CDK11B: variants seen among roughly 807,000 people sequenced by gnomAD.
CDK11B encodes the protein cyclin dependent kinase 11B.
CDK11B carries 37 observed loss-of-function variants against 84.0 expected under a neutral mutation model. The observed-to-expected ratio is 0.44, with a 90% CI of 0.34 to 0.58. The LOEUF is 0.58. Among genes scored for constraint, CDK11B ranks in the 20% least tolerant of loss-of-function variants. The probability of loss-of-function intolerance (pLI) is 0.02; values close to 1 mark genes in which losing one functional copy is unlikely to be tolerated. For missense variants in CDK11B, 427 were observed against 834.0 expected (o/e 0.51, Z 6.01); for synonymous variants, 269 against 309.8 (o/e 0.87, Z 1.38).
At chr1:1,651,260 A>G (rs1641965168) in intron 4 of CDK11B, among the ~76,000 whole-genome samples, 1 of 152,220 alleles carries the variant, frequency 6.6e-6, no homozygotes, top group African/African-American at 2.4e-5. Context: ...AATGTAAACA[A>G]ACTGCTTCCA....
intron 14 of CDK11B, 57 bp downstream of exon 14, chr1:1,637,351 G>T: frequency 6.3e-7 from 1 of 1,590,086 alleles, no homozygotes; most frequent in South Asian, 1.1e-5. Flanking sequence ...CACCGCGGGG[G>T]TGACCAGGAC....
intron 15 of CDK11B, 37 bp downstream of exon 15, chr1:1,637,044 G>A (rs1345574938): frequency 6.2e-7 from 1 of 1,613,288 alleles, no homozygotes. Context: ...GGCCCCGGCA[G>A]GTCTCCCTGG....
chr1:1,650,157 C>G (rs1475823474), intron 4 of CDK11B, among the ~76,000 whole-genome samples: 2 of 148,440 alleles, frequency 1.3e-5, no homozygotes, highest in African/African-American at 5.0e-5. Context: ...GTAGTCCCAG[C>G]TACTCGGGAG....
Position 1,641,105 on chromosome 1 carries a change from TTAC to T in CDK11B, c.1015_1017del (p.Val339del), listed in dbSNP as rs1640221907. The T allele has an allele frequency of 6.3e-7, 1 of 1,590,290 alleles. No homozygotes were observed. Among genetic ancestry groups the T allele is most frequent in the African/African-American group, 1.4e-5 (1 of 73,730 alleles). ...TCATCTTCACTCATTTCTTCCTCAC[TTAC>T]TTCTTCTGCAAGAGAAAGGAGGCGT... On this transcript the variant is annotated inframe_deletion, in exon 10 of 20. Coordinates refer to ENST00000341832, the MANE Select transcript of CDK11B (RefSeq NM_033486.3).
chr1:1,650,654 C>A (rs1295365414), intron 4 of CDK11B, among the ~76,000 whole-genome samples: 1 of 142,356 alleles, frequency 7.0e-6, no homozygotes, highest in Non-Finnish European at 1.5e-5. Flanking sequence ...TGTGAGCCAC[C>A]GCGCCCGGCC....
chr1:1,656,009 C>T (rs1642702103), intron 2 of CDK11B, among the ~76,000 whole-genome samples: 1 of 152,212 alleles, frequency 6.6e-6, no homozygotes, highest in Non-Finnish European at 1.5e-5. Flanking sequence ...GGACATTAGA[C>T]TCTATGCCAA....
intron 11 of CDK11B, among the ~76,000 whole-genome samples, chr1:1,639,559 G>A (rs898439304): frequency 6.6e-6 from 1 of 151,934 alleles, no homozygotes; most frequent in Non-Finnish European, 1.5e-5. Flanking sequence ...GTGTACCTTG[G>A]GGCCGGTGCC....
intron 4 of CDK11B, among the ~76,000 whole-genome samples, chr1:1,650,074 T>C (rs1469168080): frequency 3.3e-5 from 5 of 150,126 alleles, no homozygotes; most frequent in African/African-American, 9.8e-5. Flanking sequence ...ATCGGGACCA[T>C]CCTGGCTAAC....
Position 1,636,728 on chromosome 1 carries a change from A to T in CDK11B, c.1871T>A (p.Leu624Gln). ...ATCGATTTCTGACTTCCCGGGGAAC[A>T]GAGGCTTCTGAGTCAGCAGCTCCCC... is the stretch of plus-strand genomic sequence containing the variant. Reference protein sequence around the residue: ...IFGELLTQKPLFPGKSEIDQI... With the variant: ...IFGELLTQKPQFPGKSEIDQI... The change falls in exon 17 of 20, where the codon CTG (leucine) becomes CAG (glutamine). Residue 624 changes from leucine to glutamine, a missense_variant. Physicochemically the swap from Leu to Gln is moderately radical, Grantham distance 113. Around this residue, in one of 12 missense-constraint regions of CDK11B, gnomAD observed 170 missense variants for 196.0 expected, o/e 0.87. Transcript: ENST00000341832. The T allele has an allele frequency of 6.2e-7, 1 of 1,613,984 alleles. No homozygotes were observed. Among genetic ancestry groups the T allele is most frequent in the Non-Finnish European group, 8.5e-7 (1 of 1,179,874 alleles).
At chr1:1,637,584 G>C in intron 13 of CDK11B, 71 bp from the exon 14 acceptor site, 8 of 1,608,808 alleles carry the variant, frequency 5.0e-6, no homozygotes, top group South Asian at 4.4e-5. Flanking sequence ...GGGTGCAGCT[G>C]CTGAGGGACA....
At chr1:1,639,025 C>A (rs1204041057) in intron 11 of CDK11B, among the ~76,000 whole-genome samples, 2 of 150,274 alleles carry the variant, frequency 1.3e-5, no homozygotes, top group African/African-American at 4.9e-5. Flanking sequence ...ACTGCAACCT[C>A]CACCTCCTGG....
intron 5 of CDK11B, among the ~76,000 whole-genome samples, chr1:1,649,065 C>T (rs1027929662): frequency 1.1e-4 from 17 of 152,160 alleles, no homozygotes; most frequent in Non-Finnish European, 2.4e-4. Flanking sequence ...GTTCACTGTG[C>T]TGTTTCCATG....
intron 4 of CDK11B, among the ~76,000 whole-genome samples, chr1:1,650,268 C>CAAAAAAGAAAAAAAA (rs1641790813): frequency 2.2e-5 from 1 of 45,814 alleles, no homozygotes; most frequent in African/African-American, 8.9e-5. Flanking sequence ...GACTCCGTCC[C>CAAAAAAGAAAAAAAA]AAAAAAAAAA....
chr1:1,655,642 G>T (rs570949273), intron 2 of CDK11B, among the ~76,000 whole-genome samples, 158 bp from the exon 3 acceptor site: 1 of 152,082 alleles, frequency 6.6e-6, no homozygotes, highest in Non-Finnish European at 1.5e-5. Flanking sequence ...AAGAACTTTT[G>T]GCCGGGTGTG....
chr1:1,639,294 G>A (rs1027797635), intron 11 of CDK11B, among the ~76,000 whole-genome samples: 2 of 151,834 alleles, frequency 1.3e-5, no homozygotes, highest in East Asian at 1.9e-4. Context: ...GCTTGCGCCT[G>A]TAGTTCCAGC....
chr1:1,652,407 C>G (rs1266580049), intron 4 of CDK11B, 32 bp downstream of exon 4: 1 of 1,477,988 alleles, frequency 6.8e-7, no homozygotes, highest in East Asian at 2.7e-5. Context: ...CACACTTGAA[C>G]ATGATGTCAA....
chr1:1,643,635 A>G (rs2100793820), intron 6 of CDK11B, among the ~76,000 whole-genome samples: 1 of 146,014 alleles, frequency 6.8e-6, no homozygotes, highest in Admixed American at 6.7e-5. Flanking sequence ...CGACGGAAAT[A>G]TCAACAGAGA....
rs1314221225 is a variant in CDK11B, at chr1:1,636,455, G to C, written c.1944C>G (p.Ile648Met). 6.2e-7 allele frequency: 1 copy of C among 1,612,910 alleles called. No individual in the cohort carries two copies. Among genetic ancestry groups the C allele is most frequent in the Non-Finnish European group, 8.5e-7 (1 of 1,179,362 alleles). The change falls in exon 18 of 20, where the codon ATC becomes ATG. Residue 648 changes from isoleucine to methionine, a missense_variant. Transcript: ENST00000341832. ...CTGGGAGCTCGCTGTAGCCGGGCCA[G>C]ATTTTCTCACTAGGGGTCCCCAGAT... ...FKDLGTPSEK[I>M]WPGYSELPAV...
intron 2 of CDK11B, 149 bp downstream of exon 2, chr1:1,657,225 TG>T (rs1367933762): frequency 6.2e-7 from 1 of 1,613,900 alleles, no homozygotes; most frequent in African/African-American, 1.3e-5. Context: ...TGAATGTTTT[TG>T]TTAATTTTTA....
Sources: gnomAD v4.1 joint callset for allele counts (sites outside exome capture counted in the v4.1 genomes callset) on GRCh38, gnomAD v4.1.1 for gene constraint, gnomAD v4.1.1 regional missense constraint, MANE v1.5 for transcripts, NCBI Gene and HGNC (gene_info 2026-07-23, HGNC 2026-07-21) for gene names.